GABBR2: variants seen among roughly 807,000 people sequenced by gnomAD.
GABBR2 encodes the protein gamma-aminobutyric acid type B receptor subunit 2.
GABBR2 carries 23 observed loss-of-function variants against 105.6 expected under a neutral mutation model. That is an observed-to-expected ratio of 0.22 (90% CI 0.16 to 0.31). The LOEUF is 0.31. Ranked by LOEUF, GABBR2 falls within the 10% of genes least tolerant of loss-of-function variation. The pLI, the probability that GABBR2 is intolerant of heterozygous loss-of-function variation, is 1.00. For synonymous variants in GABBR2, 478 were observed against 499.7 expected (o/e 0.96, Z 0.58); for missense variants, 734 against 1,245.5 (o/e 0.59, Z 6.18).
At chr9:98,614,920 C>T (rs1829558756) in intron 1 of GABBR2, among the ~76,000 whole-genome samples, 1 of 152,212 alleles carries the variant, frequency 6.6e-6, no homozygotes, top group Non-Finnish European at 1.5e-5. Flanking sequence ...TGCCCAGAAA[C>T]AGACTTTCAG....
At chr9:98,364,386 C>G (rs1232585475) in intron 12 of GABBR2, among the ~76,000 whole-genome samples, 2 of 152,170 alleles carry the variant, frequency 1.3e-5, no homozygotes, top group African/African-American at 4.8e-5. Flanking sequence ...CTATTCCTGA[C>G]CCCTGGAAGG....
chr9:98,300,814 G>A (rs1175153369), intron 16 of GABBR2, among the ~76,000 whole-genome samples: 3 of 152,222 alleles, frequency 2.0e-5, no homozygotes, highest in Non-Finnish European at 4.4e-5. Flanking sequence ...CCTGGAGGAA[G>A]GAATGCTACA....
chr9:98,511,743 T>G (rs1438457432), intron 3 of GABBR2, among the ~76,000 whole-genome samples: 1 of 152,070 alleles, frequency 6.6e-6, no homozygotes, highest in Non-Finnish European at 1.5e-5. Context: ...AATAACAGGC[T>G]CTGAAATTGA....
intron 3 of GABBR2, among the ~76,000 whole-genome samples, chr9:98,521,231 T>C (rs1181431463): frequency 6.6e-6 from 1 of 151,856 alleles, no homozygotes; most frequent in Non-Finnish European, 1.5e-5. Context: ...GCCACCAACT[T>C]TGAGGAATTT....
intron 1 of GABBR2, among the ~76,000 whole-genome samples, chr9:98,632,829 G>T (rs894494301): frequency 6.6e-6 from 1 of 152,122 alleles, no homozygotes; most frequent in Non-Finnish European, 1.5e-5. Context: ...CACTAAGTTT[G>T]GGATGGTTTG....
At chr9:98,619,231 G>A (rs1829634922) in intron 1 of GABBR2, among the ~76,000 whole-genome samples, 1 of 151,918 alleles carries the variant, frequency 6.6e-6, no homozygotes, top group South Asian at 2.1e-4. Flanking sequence ...TAAGAAGCAA[G>A]GCAAATATAA....
At chr9:98,481,466 C>G (rs1181471692) in intron 4 of GABBR2, among the ~76,000 whole-genome samples, 1 of 152,240 alleles carries the variant, frequency 6.6e-6, no homozygotes, top group African/African-American at 2.4e-5. Context: ...CAACCACACT[C>G]TGCTGCCCTG....
At chr9:98,652,054 G>C (rs1287226950) in intron 1 of GABBR2, among the ~76,000 whole-genome samples, 1 of 152,170 alleles carries the variant, frequency 6.6e-6, no homozygotes, top group Non-Finnish European at 1.5e-5. Flanking sequence ...TTGAAGCTGG[G>C]TGATAGGTAC....
chr9:98,465,726 C>T (rs1271803924), intron 6 of GABBR2, among the ~76,000 whole-genome samples: 3 of 152,214 alleles, frequency 2.0e-5, no homozygotes, highest in African/African-American at 7.2e-5. Flanking sequence ...TCTGCGTTTG[C>T]CTCACCCATG....
chr9:98,429,473 T>C (rs1399275722), intron 7 of GABBR2, among the ~76,000 whole-genome samples: 1 of 152,156 alleles, frequency 6.6e-6, no homozygotes, highest in Non-Finnish European at 1.5e-5. Context: ...CATCACATTT[T>C]ATGGTTTTAG....
chr9:98,651,585 C>T (rs1274667814), intron 1 of GABBR2, among the ~76,000 whole-genome samples: 2 of 152,172 alleles, frequency 1.3e-5, no homozygotes, highest in Middle Eastern at 3.4e-3. Context: ...CAAACACACA[C>T]CATCAACCTT....
chr9:98,506,577 G>A (rs965935792), intron 3 of GABBR2, among the ~76,000 whole-genome samples: 3 of 152,348 alleles, frequency 2.0e-5, no homozygotes, highest in Non-Finnish European at 2.9e-5. Context: ...CAGGGGCAGC[G>A]CTAGCTGGAA....
At chr9:98,625,965 G>A (rs1829731281) in intron 1 of GABBR2, among the ~76,000 whole-genome samples, 1 of 152,076 alleles carries the variant, frequency 6.6e-6, no homozygotes, top group Non-Finnish European at 1.5e-5. Context: ...TTAAACAGGG[G>A]ACAGAGCTTA....
At chr9:98,647,766 T>C (rs936262458) in intron 1 of GABBR2, among the ~76,000 whole-genome samples, 8 of 152,190 alleles carry the variant, frequency 5.3e-5, no homozygotes, top group African/African-American at 1.9e-4. Flanking sequence ...CTTTTGTTCA[T>C]AAGTTAAATA....
intron 4 of GABBR2, among the ~76,000 whole-genome samples, chr9:98,490,187 G>A (rs1827147374): frequency 6.6e-6 from 1 of 152,110 alleles, no homozygotes; most frequent in African/African-American, 2.4e-5. Context: ...TGTACTTAAT[G>A]CCACTGAATT....
intron 1 of GABBR2, among the ~76,000 whole-genome samples, chr9:98,680,259 C>T (rs1490439376): frequency 6.6e-6 from 1 of 152,078 alleles, no homozygotes; most frequent in Admixed American, 6.5e-5. Flanking sequence ...TCTAAGTTCA[C>T]CAAATTCCAA....
chr9:98,652,235 T>G, intron 1 of GABBR2, among the ~76,000 whole-genome samples: 1 of 152,200 alleles, frequency 6.6e-6, no homozygotes, highest in East Asian at 1.9e-4. Flanking sequence ...TTAATTCCAT[T>G]GAATTCCAGT....
Position 98,454,259 on chromosome 9 carries a change from G to T in GABBR2, c.1000-42C>A, listed in dbSNP as rs2131603946. On this transcript the variant is annotated intron_variant, in intron 6 of 18. Transcript: ENST00000259455. This position sits in a 1 kb window ranked among gnomAD's most constrained non-coding sequence, Gnocchi z 4.6. ...TTGGGGGAATCCCAAGTTATACTCGGCAGGGACATCAGGTGCCTGATGCCG... is the reference window on the plus strand; with the variant it reads ...TTGGGGGAATCCCAAGTTATACTCGTCAGGGACATCAGGTGCCTGATGCCG... 1.4e-6 allele frequency: 2 copies of T among 1,383,220 alleles called. No homozygotes were observed. The highest frequency in any genetic ancestry group is 2.3e-5 in the East Asian group (1 of 43,774). 85.7% of individuals were successfully genotyped at this position (1,383,220 alleles called of 1,614,324 possible).
At chr9:98,583,695 A>G (rs1829033177) in intron 1 of GABBR2, among the ~76,000 whole-genome samples, 1 of 152,196 alleles carries the variant, frequency 6.6e-6, no homozygotes, top group South Asian at 2.1e-4. Flanking sequence ...TGATCAAGTC[A>G]CCAAATCACT....
Sources: gnomAD v4.1 joint callset for allele counts (sites outside exome capture counted in the v4.1 genomes callset) on GRCh38, gnomAD v4.1.1 for gene constraint, Gnocchi (gnomAD v3.1) non-coding constraint, MANE v1.5 for transcripts, NCBI Gene and HGNC (gene_info 2026-07-23, HGNC 2026-07-21) for gene names.